The following MACROD2 variants were observed in gnomAD, a reference collection of about 807,000 sequenced individuals.
MACROD2 encodes ADP-ribose glycohydrolase MACROD2.
In MACROD2, 36 loss-of-function variants were observed where a neutral mutation model predicts 70.4. The ratio of observed to expected loss-of-function variants is 0.51; its 90% confidence interval spans 0.39 to 0.68. The LOEUF (loss-of-function observed/expected upper bound fraction) is 0.68. MACROD2 is among the 30% of genes least tolerant of loss of function. MACROD2 has a pLI of 0.00. For synonymous variants in MACROD2, 172 were observed against 178.8 expected, an observed-to-expected ratio of 0.96 and a Z score of 0.30; for missense variants, 496 against 538.4, an observed-to-expected ratio of 0.92 and a Z score of 0.78.
chr20:14,148,034 A>C (rs2054965178), intron 3 of MACROD2, among the ~76,000 whole-genome samples: 1 of 152,232 alleles, frequency 6.6e-6, no homozygotes, highest in Non-Finnish European at 1.5e-5. Context: ...CAAATTCACC[A>C]GATAAGAAAA....
intron 4 of MACROD2, among the ~76,000 whole-genome samples, chr20:14,533,453 C>G (rs987374733): frequency 6.6e-5 from 10 of 152,208 alleles, no homozygotes; most frequent in African/African-American, 2.4e-4. Flanking sequence ...TATTTCTTAA[C>G]TATTAAGATT....
chr20:14,582,279 A>G (rs1046824579), intron 4 of MACROD2, among the ~76,000 whole-genome samples: 1 of 152,058 alleles, frequency 6.6e-6, no homozygotes, highest in African/African-American at 2.4e-5. Flanking sequence ...TCTACTTAAT[A>G]CATTCAGTTT....
chr20:15,908,980 T>C (rs756643919), intron 10 of MACROD2, among the ~76,000 whole-genome samples: 6 of 152,222 alleles, frequency 3.9e-5, no homozygotes, highest in African/African-American at 7.2e-5. Context: ...TGGCTTAAAA[T>C]AATGACATTT....
chr20:15,089,445 A>G (rs1180968996), intron 5 of MACROD2, among the ~76,000 whole-genome samples: 1 of 152,172 alleles, frequency 6.6e-6, no homozygotes, highest in African/African-American at 2.4e-5. Context: ...CAAGTTCTGG[A>G]AGTAAAATCT....
intron 5 of MACROD2, among the ~76,000 whole-genome samples, chr20:15,179,001 A>G (rs1368577178): frequency 6.6e-6 from 1 of 152,212 alleles, no homozygotes; most frequent in Non-Finnish European, 1.5e-5. Flanking sequence ...TGGTGTGGTT[A>G]CCTGAGCAAA....
In MACROD2 at chr20:15,967,647, T is replaced by C. The variant is rs1361295552; in HGVS notation, c.985+17T>C. 1 of 1,523,914 alleles carries C rather than the reference T, an allele frequency of 6.6e-7. No individual in the cohort carries two copies. Among genetic ancestry groups the C allele is most frequent in the Non-Finnish European group, 8.8e-7 (1 of 1,131,192 alleles). 94.4% of individuals were successfully genotyped at this position (1,523,914 alleles called of 1,614,324 possible). On this transcript the variant is annotated intron_variant, in intron 13 of 17. Transcript: ENST00000684519. Reference sequence around the variant, plus strand: ...ATCCCGATGGTAGGTTGTGAAATCCTTTATTAGATTTTCTTTTCTTCTGCT... The same window carrying C: ...ATCCCGATGGTAGGTTGTGAAATCCCTTATTAGATTTTCTTTTCTTCTGCT...
intron 3 of MACROD2, among the ~76,000 whole-genome samples, chr20:14,394,207 T>C (rs2083557504): frequency 6.6e-6 from 1 of 152,132 alleles, no homozygotes; most frequent in African/African-American, 2.4e-5. Flanking sequence ...TTAAGGAAAA[T>C]TGACATCTTT....
At chr20:14,454,746 A>G (rs1027410302) in intron 3 of MACROD2, among the ~76,000 whole-genome samples, 1 of 126,898 alleles carries the variant, frequency 7.9e-6, no homozygotes, top group Non-Finnish European at 1.6e-5. Context: ...CTGTCTCTAC[A>G]CTCTTTTTTT....
Position 15,620,738 on chromosome 20 carries a change from C to T in MACROD2, c.645+120891C>T, listed in dbSNP as rs114086330. ...CAGAGGTTCCCCTGTCATCACCCAA[C>T]CAAGTGGACAAAAAGCTGTTAGAGT... On this transcript the variant is annotated intron_variant, in intron 8 of 17. Transcript: ENST00000684519. Among the ~76,000 whole-genome samples, 406 of 152,232 alleles carry T rather than the reference C, an allele frequency of 2.7e-3. 1 individual carries two copies. Among genetic ancestry groups the T allele is most frequent in the African/African-American group, 9.6e-3 (397 of 41,520 alleles).
intron 10 of MACROD2, among the ~76,000 whole-genome samples, chr20:15,926,601 C>T (rs2065493050): frequency 1.3e-5 from 2 of 151,962 alleles, no homozygotes; most frequent in Non-Finnish European, 2.9e-5. Context: ...GGAGATGATG[C>T]AATTTTAAAT....
intron 5 of MACROD2, among the ~76,000 whole-genome samples, chr20:14,777,401 G>A (rs962283069): frequency 1.3e-5 from 2 of 152,024 alleles, no homozygotes; most frequent in South Asian, 4.1e-4. Context: ...AGATGGCTGA[G>A]AGCAGGACGT....
At position 15,664,292 on chromosome 20, in the gene MACROD2, A is replaced by G. The variant is rs138098634; in HGVS notation, c.645+164445A>G. On this transcript the variant is annotated intron_variant, in intron 8 of 17. Coordinates refer to ENST00000684519, the MANE Select transcript of MACROD2 (RefSeq NM_001351661.2). The stretch of plus-strand genomic sequence containing the variant: ...GGAAGAATTGAACCACCAAGGGTTT[A>G]GATTAAATGATCAAAGACAGAAGAG... Among the ~76,000 whole-genome samples the G allele has an allele frequency of 1.2e-3, 185 of 152,374 alleles. 1 individual carries two copies. The highest frequency in any genetic ancestry group is 4.1e-3 in the African/African-American group (170 of 41,592).
intron 8 of MACROD2, among the ~76,000 whole-genome samples, chr20:15,558,039 A>C (rs1362521421): frequency 6.6e-6 from 1 of 152,176 alleles, no homozygotes; most frequent in African/African-American, 2.4e-5. Flanking sequence ...TCTCTACCCA[A>C]TTCTATGTGG....
chr20:14,164,561 T>A (rs2055238287), intron 3 of MACROD2, among the ~76,000 whole-genome samples: 1 of 152,014 alleles, frequency 6.6e-6, no homozygotes, highest in Non-Finnish European at 1.5e-5. Flanking sequence ...ACAAAAGTAG[T>A]CTGTGCTGGT....
intron 8 of MACROD2, among the ~76,000 whole-genome samples, chr20:15,591,989 C>T (rs1357329654): frequency 6.6e-6 from 1 of 152,168 alleles, no homozygotes; most frequent in African/African-American, 2.4e-5. Context: ...TATCAATTGT[C>T]ACCTGTTGAT....
intron 3 of MACROD2, among the ~76,000 whole-genome samples, chr20:14,404,316 A>T (rs2083669891): frequency 6.6e-6 from 1 of 152,146 alleles, no homozygotes; most frequent in Admixed American, 6.6e-5. Context: ...CATGTATACA[A>T]AGCAAGAGAA....
chr20:14,338,583 C>T (rs2082977904), intron 3 of MACROD2, among the ~76,000 whole-genome samples: 1 of 151,834 alleles, frequency 6.6e-6, no homozygotes, highest in African/African-American at 2.4e-5. Context: ...TTTAACGATC[C>T]CCCAATAAAA....
At chr20:15,073,736 A>G (rs920799765) in intron 5 of MACROD2, among the ~76,000 whole-genome samples, 2 of 152,308 alleles carry the variant, frequency 1.3e-5, no homozygotes, top group African/African-American at 4.8e-5. Flanking sequence ...AGTTTTTCAC[A>G]TGAAGATGTT....
intron 8 of MACROD2, among the ~76,000 whole-genome samples, chr20:15,535,194 C>A (rs2047857964): frequency 6.6e-6 from 1 of 152,082 alleles, no homozygotes; most frequent in South Asian, 2.1e-4. Context: ...CCAGATTAGT[C>A]TTGAACTTGC....
Sources: gnomAD v4.1 joint callset for allele counts (sites outside exome capture counted in the v4.1 genomes callset) on GRCh38, gnomAD v4.1.1 for gene constraint, MANE v1.5 for transcripts, NCBI Gene and HGNC (gene_info 2026-07-23, HGNC 2026-07-21) for gene names.